CFAP77: variants seen among roughly 807,000 people sequenced by gnomAD.
The protein encoded by CFAP77 is cilia- and flagella-associated protein 77.
A neutral mutation model predicts 31.1 loss-of-function variants in CFAP77; 25 were observed. That is an observed-to-expected ratio of 0.80 (90% CI 0.59 to 1.12). CFAP77 has a LOEUF of 1.12. CFAP77 is among the 50% of genes most tolerant of loss of function. The pLI, the probability that CFAP77 is intolerant of heterozygous loss-of-function variation, is 0.00. For synonymous variants in CFAP77, 151 were observed against 159.9 expected, an observed-to-expected ratio of 0.94 and a Z score of 0.42; for missense variants, 377 against 397.3, an observed-to-expected ratio of 0.95 and a Z score of 0.44.
intron 1 of CFAP77, among the ~76,000 whole-genome samples, chr9:132,446,313 T>C (rs1850714504): frequency 6.6e-6 from 1 of 152,118 alleles, no homozygotes; most frequent in South Asian, 2.1e-4. Context: ...CCCTCAGACC[T>C]GGATCTCTGA....
At chr9:132,546,767 C>T (rs1310008900) in intron 5 of CFAP77, among the ~76,000 whole-genome samples, 1 of 152,230 alleles carries the variant, frequency 6.6e-6, no homozygotes, top group African/African-American at 2.4e-5. Context: ...GTGGCTGGGG[C>T]CCAGAAGGGG....
At chr9:132,436,323 T>G (rs1283809628) in intron 1 of CFAP77, among the ~76,000 whole-genome samples, 1 of 152,200 alleles carries the variant, frequency 6.6e-6, no homozygotes, top group African/African-American at 2.4e-5. Context: ...TGTCTTCTCA[T>G]ATTCTCTCTT....
chr9:132,436,642 T>C (rs974355539), intron 1 of CFAP77, among the ~76,000 whole-genome samples: 4 of 152,100 alleles, frequency 2.6e-5, no homozygotes, highest in Non-Finnish European at 4.4e-5. Context: ...GGAAAAAAAA[T>C]ACAACCTTTT....
intron 1 of CFAP77, among the ~76,000 whole-genome samples, chr9:132,432,558 A>G (rs1217935769): frequency 6.9e-6 from 1 of 143,942 alleles, no homozygotes. Flanking sequence ...TTTAAGATGG[A>G]GCTTGCTTTG....
intron 1 of CFAP77, among the ~76,000 whole-genome samples, chr9:132,449,966 G>T (rs1850796963): frequency 6.6e-6 from 1 of 152,154 alleles, no homozygotes; most frequent in Non-Finnish European, 1.5e-5. Flanking sequence ...AGGCTGGAGT[G>T]CAGTGGCACT....
rs77765925 is a variant in CFAP77, at chr9:132,463,794, C to T, written c.196-34901C>T. On this transcript the variant is annotated intron_variant, in intron 1 of 5. Transcript: ENST00000393216. ...GCAACGGGGAGTCCAGGCCCAAGGA[C>T]AGCAGCGGAGGTCCCTGGTGTCCCT... Among the ~76,000 whole-genome samples, 3 of 152,322 alleles carry T rather than the reference C, an allele frequency of 2.0e-5. No homozygotes were observed. In the East Asian group the frequency reaches 5.8e-4, roughly 29 times the overall value.
intron 1 of CFAP77, among the ~76,000 whole-genome samples, chr9:132,460,152 A>G (rs1851025264): frequency 6.6e-6 from 1 of 152,096 alleles, no homozygotes; most frequent in African/African-American, 2.4e-5. Flanking sequence ...AAGCTACTCC[A>G]TCCATTTCCT....
intron 3 of CFAP77, among the ~76,000 whole-genome samples, chr9:132,532,096 G>T (rs1454875241): frequency 6.6e-6 from 1 of 151,778 alleles, no homozygotes; most frequent in Non-Finnish European, 1.5e-5. Context: ...TCACCGCAGG[G>T]GTAAAAGAAC....
chr9:132,494,141 G>A (rs1374834695), intron 1 of CFAP77, among the ~76,000 whole-genome samples: 1 of 152,086 alleles, frequency 6.6e-6, no homozygotes, highest in Non-Finnish European at 1.5e-5. Flanking sequence ...CAAATTCCTG[G>A]GCTCAAATTG....
intron 1 of CFAP77, among the ~76,000 whole-genome samples, chr9:132,483,897 G>T (rs534242216): frequency 6.6e-6 from 1 of 151,350 alleles, no homozygotes; most frequent in Non-Finnish European, 1.5e-5. Context: ...TCAGTTGCTC[G>T]ACAGGAACCA....
chr9:132,424,805 C>T lies in CFAP77; in HGVS notation c.195+14339C>T, dbSNP rs1342609162. Among the ~76,000 whole-genome samples, 1 of 152,198 alleles carries T rather than the reference C, an allele frequency of 6.6e-6. No homozygotes were observed. ...GGAGCCAGGATGGCTGGGGGCAAAA[C>T]CTCCATCAAGGCTGAGCAGAGCGGC... On this transcript the variant is annotated intron_variant, in intron 1 of 5. Transcript: ENST00000393216. This position sits in a 1 kb window ranked among gnomAD's most constrained non-coding sequence, Gnocchi z 4.1.
chr9:132,492,491 G>C (rs1219449116), intron 1 of CFAP77, among the ~76,000 whole-genome samples: 1 of 152,188 alleles, frequency 6.6e-6, no homozygotes, highest in Non-Finnish European at 1.5e-5. Flanking sequence ...ATACAATCCA[G>C]CCCAGGCCAT....
intron 1 of CFAP77, among the ~76,000 whole-genome samples, chr9:132,458,357 G>GGTGGGT (rs1554738863): frequency 8.4e-6 from 1 of 119,046 alleles, no homozygotes; most frequent in Admixed American, 9.8e-5. Context: ...GAGGGGGGGG[G>GGTGGGT]GTGTGTATGG....
chr9:132,450,244 T>C (rs1283924607), intron 1 of CFAP77, among the ~76,000 whole-genome samples: 1 of 148,180 alleles, frequency 6.7e-6, no homozygotes, highest in Non-Finnish European at 1.5e-5. Flanking sequence ...AAGAGTTCTG[T>C]AGGCAAATGA....
chr9:132,488,556 A>C (rs1436739585), intron 1 of CFAP77, among the ~76,000 whole-genome samples: 1 of 152,218 alleles, frequency 6.6e-6, no homozygotes, highest in Non-Finnish European at 1.5e-5. Flanking sequence ...CGTTTTGAAG[A>C]AGTTGTGCCA....
rs1033812757 is a variant in CFAP77 at position 132,545,384 on chromosome 9, G to A, written c.732+2337G>A. Among the ~76,000 whole-genome samples the A allele has an allele frequency of 1.3e-5, 2 of 152,084 alleles. No individual in the cohort carries two copies. The highest frequency in any genetic ancestry group is 2.9e-5 in the Non-Finnish European group (2 of 67,982). On this transcript the variant is annotated intron_variant, in intron 5 of 5. Coordinates refer to ENST00000393216, the MANE Select transcript of CFAP77 (RefSeq NM_001282957.2). This position sits in a 1 kb window ranked among gnomAD's most constrained non-coding sequence, Gnocchi z 4.6. ...GAGTGGCGGGGACAGGAACCCAGGT[G>A]TGTCTGATGGCAGGGCCCAAGCCGA...
In CFAP77 at chr9:132,519,698, G is replaced by A. The variant is rs376590777; in HGVS notation, c.525-17903G>A. Among the ~76,000 whole-genome samples, 57 of 135,514 alleles carry A rather than the reference G, an allele frequency of 4.2e-4. 1 individual carries two copies. The East Asian group carries it at 9.6e-3, about 23-fold the overall frequency. The allele number at this position is 135,514 out of a possible 152,430, so 88.9% of individuals were successfully genotyped here. A position where few individuals can be genotyped will look rare whatever the true frequency, so the allele number is the denominator to read the frequency against. Reference sequence around the variant, plus strand: ...TGGATGGATGAGTGGGTGGGTGGATGGGTGGGTGGGTGGGTAGATGGATGA... The same window carrying A: ...TGGATGGATGAGTGGGTGGGTGGATAGGTGGGTGGGTGGGTAGATGGATGA... On this transcript the variant is annotated intron_variant, in intron 3 of 5. Coordinates refer to ENST00000393216, the MANE Select transcript of CFAP77 (RefSeq NM_001282957.2).
Position 132,482,176 on chromosome 9 carries a change from T to C in CFAP77, c.196-16519T>C. On this transcript the variant is annotated intron_variant, in intron 1 of 5. Transcript: ENST00000393216. ...ATTCTCTGCTTTTTCCTTTTCTCTC[T>C]TTCTTTCTTTCTTTTTTTTTTTCTT... 6.8e-6 allele frequency: 4 copies of C among 588,702 alleles called. No individual in the cohort carries two copies. The Admixed American group carries it at 1.3e-4, about 20-fold the overall frequency. The allele number at this position is 588,702 out of a possible 1,614,324, so 36.5% of individuals were successfully genotyped here. A position where few individuals can be genotyped will look rare whatever the true frequency, so the allele number is the denominator to read the frequency against.
chr9:132,505,367 G>C (rs1851915284), intron 3 of CFAP77, among the ~76,000 whole-genome samples: 1 of 152,162 alleles, frequency 6.6e-6, no homozygotes, highest in Non-Finnish European at 1.5e-5. Flanking sequence ...ATCCTATTTG[G>C]TTCCCAATCC....
Sources: gnomAD v4.1 joint callset for allele counts (sites outside exome capture counted in the v4.1 genomes callset) on GRCh38, gnomAD v4.1.1 for gene constraint, Gnocchi (gnomAD v3.1) non-coding constraint, MANE v1.5 for transcripts, NCBI Gene and HGNC (gene_info 2026-07-23, HGNC 2026-07-21) for gene names.